Variants in TMEM232 observed in about 807,000 individuals in gnomAD.
TMEM232 encodes transmembrane protein 232.
Under a neutral mutation model 78.8 loss-of-function variants are expected in TMEM232, and 80 were observed. The observed-to-expected ratio is 1.01, with a 90% confidence interval of 0.85 to 1.22. The LOEUF (loss-of-function observed/expected upper bound fraction) is 1.22. TMEM232 is among the 50% of genes most tolerant of loss of function. The probability of loss-of-function intolerance (pLI) is 0.00; values close to 1 mark genes in which losing one functional copy is unlikely to be tolerated. For synonymous variants in TMEM232, 297 were observed against 254.3 expected (o/e 1.17, Z -1.60); for missense variants, 881 against 742.2 (o/e 1.19, Z -2.17).
At chr5:110,524,439 A>AGAAAAGAAAG (rs1770245249) in intron 12 of TMEM232, among the ~76,000 whole-genome samples, 1 of 148,760 alleles carries the variant, frequency 6.7e-6, no homozygotes, top group Admixed American at 6.7e-5. Context: ...AGAAAAGAAA[A>AGAAAAGAAAG]GAAAGGAAAG....
chr5:110,670,869 C>T (rs185049010), intron 1 of TMEM232, among the ~76,000 whole-genome samples: 57 of 151,784 alleles, frequency 3.8e-4, no homozygotes, highest in Admixed American at 1.7e-3. Flanking sequence ...CCTAAAAGAA[C>T]AATACTCAAT....
At chr5:110,444,792 G>A (rs1759466767) in intron 12 of TMEM232, among the ~76,000 whole-genome samples, 1 of 152,104 alleles carries the variant, frequency 6.6e-6, no homozygotes, top group Non-Finnish European at 1.5e-5. Context: ...CTTCAAATTA[G>A]AAAATAAATT....
intron 12 of TMEM232, among the ~76,000 whole-genome samples, chr5:110,451,179 C>T (rs1407369353): frequency 6.6e-6 from 1 of 152,144 alleles, no homozygotes; most frequent in African/African-American, 2.4e-5. Flanking sequence ...TCTCTGTTTC[C>T]TCAGCACCCT....
At chr5:110,592,917 T>C (rs1779701404) in intron 10 of TMEM232, among the ~76,000 whole-genome samples, 1 of 152,162 alleles carries the variant, frequency 6.6e-6, no homozygotes. Context: ...GACAAATAAT[T>C]ATACAAAAGT....
chr5:110,670,949 A>G (rs1791275530), intron 1 of TMEM232, among the ~76,000 whole-genome samples: 1 of 152,124 alleles, frequency 6.6e-6, no homozygotes, highest in Non-Finnish European at 1.5e-5. Context: ...ACAAGTGCTT[A>G]TTGTGAATTA....
chr5:110,546,965 A>G (rs1158715939), intron 11 of TMEM232, among the ~76,000 whole-genome samples: 2 of 152,090 alleles, frequency 1.3e-5, no homozygotes, highest in Non-Finnish European at 2.9e-5. Flanking sequence ...CCAAAAAAAA[A>G]GAAAAAGAGA....
At chr5:110,656,846 A>C (rs1212392668) in intron 2 of TMEM232, among the ~76,000 whole-genome samples, 1 of 152,050 alleles carries the variant, frequency 6.6e-6, no homozygotes, top group African/African-American at 2.4e-5. Context: ...TCTAAAAAAA[A>C]AAAAGAAAAA....
At chr5:110,616,062 A>G (rs901000858) in intron 8 of TMEM232, among the ~76,000 whole-genome samples, 4 of 152,030 alleles carry the variant, frequency 2.6e-5, no homozygotes, top group African/African-American at 9.6e-5. Flanking sequence ...TCACAAAAAC[A>G]GACAAAAAAT....
At chr5:110,709,045 T>C (rs1043743903) in intron 1 of TMEM232, among the ~76,000 whole-genome samples, 1 of 151,994 alleles carries the variant, frequency 6.6e-6, no homozygotes, top group African/African-American at 2.4e-5. Context: ...AAAAAGATAT[T>C]CCACGTGAAT....
chr5:110,711,909 A>T (rs1203246996), intron 1 of TMEM232, among the ~76,000 whole-genome samples: 2 of 152,022 alleles, frequency 1.3e-5, no homozygotes, highest in Non-Finnish European at 2.9e-5. Context: ...GAACAAGACC[A>T]TACCGGCTAA....
chr5:110,437,209 A>T (rs1267333824), intron 12 of TMEM232, among the ~76,000 whole-genome samples: 1 of 151,912 alleles, frequency 6.6e-6, no homozygotes, highest in Non-Finnish European at 1.5e-5. Context: ...TGTAGCTATT[A>T]TTAATGGGAT....
chr5:110,702,096 T>C (rs1580726090), intron 1 of TMEM232, among the ~76,000 whole-genome samples: 1 of 151,992 alleles, frequency 6.6e-6, no homozygotes, highest in Non-Finnish European at 1.5e-5. Flanking sequence ...ACAGCAGTTA[T>C]ATACATTGTT....
chr5:110,666,008 C>T (rs138565227), intron 2 of TMEM232, among the ~76,000 whole-genome samples: 1 of 151,790 alleles, frequency 6.6e-6, no homozygotes, highest in Non-Finnish European at 1.5e-5. Flanking sequence ...TTATAGTAAG[C>T]TATAGGTTAT....
intron 12 of TMEM232, among the ~76,000 whole-genome samples, chr5:110,446,540 C>T (rs921339764): frequency 1.8e-4 from 28 of 151,566 alleles, no homozygotes; most frequent in African/African-American, 6.8e-4. Flanking sequence ...ATATAAGAGA[C>T]CACATTCTTT....
At chr5:110,651,939 G>T (rs932221132) in intron 2 of TMEM232, among the ~76,000 whole-genome samples, 2 of 152,088 alleles carry the variant, frequency 1.3e-5, no homozygotes, top group East Asian at 3.9e-4. Flanking sequence ...AGGTGCTTAA[G>T]TTTATTTTTA....
chr5:110,471,355 GA>G (rs1245158383), intron 12 of TMEM232, among the ~76,000 whole-genome samples: 2 of 152,120 alleles, frequency 1.3e-5, no homozygotes, highest in Admixed American at 1.3e-4. Flanking sequence ...AATAATTGGT[GA>G]AAACTTCCCA....
At chr5:110,731,797 A>G (rs566442917) in intron 2 of TMEM232, among the ~76,000 whole-genome samples, 1 of 152,256 alleles carries the variant, frequency 6.6e-6, no homozygotes, top group South Asian at 2.1e-4. Context: ...GCCTGGAGAC[A>G]TTTTCCCCAT....
intron 1 of TMEM232, among the ~76,000 whole-genome samples, chr5:110,668,652 C>T (rs1187520150): frequency 1.3e-5 from 2 of 152,108 alleles, no homozygotes; most frequent in Non-Finnish European, 2.9e-5. Context: ...CAGAACTCTC[C>T]ACCCCAAATC....
At chr5:110,641,660 T>C (rs1046143339) in intron 3 of TMEM232, among the ~76,000 whole-genome samples, 6 of 152,206 alleles carry the variant, frequency 3.9e-5, no homozygotes, top group African/African-American at 1.2e-4. Flanking sequence ...AAAAGGTGGC[T>C]TAATTTATGC....
Sources: gnomAD v4.1 joint callset for allele counts (sites outside exome capture counted in the v4.1 genomes callset) on GRCh38, gnomAD v4.1.1 for gene constraint, MANE v1.5 for transcripts, NCBI Gene and HGNC (gene_info 2026-07-23, HGNC 2026-07-21) for gene names.